The following CEP57L1 variants were observed in gnomAD, a reference collection of about 807,000 sequenced individuals.
CEP57L1 encodes centrosomal protein CEP57L1.
CEP57L1 carries 37 observed loss-of-function variants against 61.0 expected under a neutral mutation model. The ratio of observed to expected loss-of-function variants is 0.61; its 90% CI spans 0.47 to 0.80. CEP57L1 has a LOEUF of 0.80. CEP57L1 is among the 30% of genes least tolerant of loss of function. CEP57L1 has a pLI of 0.00. For synonymous variants in CEP57L1, 137 were observed against 162.3 expected, an observed-to-expected ratio of 0.84 and a Z score of 1.19; for missense variants, 422 against 524.7, an observed-to-expected ratio of 0.80 and a Z score of 1.91.
Position 109,145,295 on chromosome 6 carries a change from T to G in CEP57L1, c.74T>G (p.Phe25Cys), listed in dbSNP as rs142147002. The G allele has an allele frequency of 1.9e-4, 310 of 1,609,980 alleles. 2 individuals carry two copies. The African/African-American group carries it at 4.0e-3, about 21-fold the overall frequency. ...CCAGAAAGAGTATTTGTTCCCTCAT[T>G]CACCCAGAATGAACCATCTCAGAAT... ...KPPERVFVPS[F>C]TQNEPSQNCH... The change falls in exon 2 of 11, where the codon TTC becomes TGC. Residue 25 changes from phenylalanine to cysteine, a missense_variant. By Grantham distance (205) the Phe-to-Cys change is radical (BLOSUM62 -2). Transcript: ENST00000517392.
chr6:109,111,348 C>T (rs1159406055), intron 1 of CEP57L1, among the ~76,000 whole-genome samples: 1 of 152,104 alleles, frequency 6.6e-6, no homozygotes, highest in Non-Finnish European at 1.5e-5. Context: ...TATAAGAATA[C>T]TTGTGATTTT....
At chr6:109,098,310 G>T (rs1043936918) in intron 1 of CEP57L1, among the ~76,000 whole-genome samples, 2 of 152,122 alleles carry the variant, frequency 1.3e-5, no homozygotes, top group Admixed American at 6.5e-5. Flanking sequence ...ACCATACCTG[G>T]CTAATTTTGT....
intron 1 of CEP57L1, among the ~76,000 whole-genome samples, chr6:109,138,759 A>C (rs1449508327): frequency 6.6e-6 from 1 of 152,132 alleles, no homozygotes; most frequent in South Asian, 2.1e-4. Context: ...TCAAATACAT[A>C]TTTTGCTTAC....
chr6:109,105,779 G>A (rs1073557), intron 1 of CEP57L1, among the ~76,000 whole-genome samples: 1 of 151,948 alleles, frequency 6.6e-6, no homozygotes, highest in Non-Finnish European at 1.5e-5. Context: ...GGACTGGTAC[G>A]GGTTCGTGGC....
intron 1 of CEP57L1, among the ~76,000 whole-genome samples, chr6:109,112,883 T>C (rs1771828918): frequency 6.6e-6 from 1 of 152,200 alleles, no homozygotes; most frequent in Non-Finnish European, 1.5e-5. Flanking sequence ...GACTGTTTGT[T>C]ATGATTTGTG....
At chr6:109,136,996 G>A (rs1345695387) in intron 1 of CEP57L1, among the ~76,000 whole-genome samples, 1 of 151,938 alleles carries the variant, frequency 6.6e-6, no homozygotes, top group East Asian at 1.9e-4. Flanking sequence ...CAAGCAATCC[G>A]CCCACCTCCG....
chr6:109,126,895 C>T (rs1042530142), intron 1 of CEP57L1, among the ~76,000 whole-genome samples: 9 of 152,260 alleles, frequency 5.9e-5, no homozygotes, highest in East Asian at 3.9e-4. Context: ...TGGCCAGGCA[C>T]GGTGCCTCAC....
chr6:109,133,906 T>A (rs1238729080), intron 1 of CEP57L1, among the ~76,000 whole-genome samples: 4 of 152,060 alleles, frequency 2.6e-5, no homozygotes, highest in Non-Finnish European at 5.9e-5. Context: ...GCTCTGAAAT[T>A]GAGGCAATAA....
At chr6:109,118,373 A>G (rs1375725721) in intron 1 of CEP57L1, among the ~76,000 whole-genome samples, 1 of 152,206 alleles carries the variant, frequency 6.6e-6, no homozygotes, top group African/African-American at 2.4e-5. Flanking sequence ...TCAGCTAGCC[A>G]GGAAAATCAG....
At chr6:109,111,462 C>T (rs1421819801) in intron 1 of CEP57L1, among the ~76,000 whole-genome samples, 1 of 152,180 alleles carries the variant, frequency 6.6e-6, no homozygotes, top group Non-Finnish European at 1.5e-5. Flanking sequence ...ATCATGTCAT[C>T]TGCAAACAGA....
At position 109,153,863 on chromosome 6, in the gene CEP57L1, C is replaced by G. The variant is rs1772929209; in HGVS notation, c.493C>G (p.Gln165Glu). The G allele has an allele frequency of 6.2e-7, 1 of 1,611,504 alleles. No homozygotes were observed. Among genetic ancestry groups the G allele is most frequent in the Non-Finnish European group, 8.5e-7 (1 of 1,178,820 alleles). The stretch of plus-strand genomic sequence containing the variant: ...GCTTCAGAGGGAAAAAGAACAAGAT[C>G]AGATGAAGCTGTATGCAAAACTTGA... ...AQLQREKEQD[Q>E]MKLYAKLEKL... is the part of the protein sequence containing the mutation. The change falls in exon 5 of 11, where the codon CAG (glutamine) becomes GAG (glutamate). Residue 165 changes from glutamine to glutamate, a missense_variant. Transcript: ENST00000517392.
rs1323792348 is a variant in CEP57L1, at chr6:109,171,369, G to A, written c.*8399G>A. Among the ~76,000 whole-genome samples the A allele has an allele frequency of 6.6e-6, 1 of 151,598 alleles. No individual in the cohort carries two copies. The highest frequency in any genetic ancestry group is 2.4e-5 in the African/African-American group (1 of 41,208). On this transcript the variant is annotated 3_prime_UTR_variant, in exon 11 of 11. Coordinates refer to ENST00000517392, the MANE Select transcript of CEP57L1 (RefSeq NM_001271852.3). ...TTCTTCTGCCTCAGCCTCCCAAGTAGCTGGGATTACAGGCATGCGTCACCA... is the reference window on the plus strand; with the variant it reads ...TTCTTCTGCCTCAGCCTCCCAAGTAACTGGGATTACAGGCATGCGTCACCA...
At chr6:109,133,370 G>A (rs1030173318) in intron 1 of CEP57L1, among the ~76,000 whole-genome samples, 7 of 152,088 alleles carry the variant, frequency 4.6e-5, no homozygotes, top group African/African-American at 1.4e-4. Flanking sequence ...TAGGGTTTGC[G>A]CTCCTATGAA....
intron 1 of CEP57L1, among the ~76,000 whole-genome samples, chr6:109,119,432 G>A (rs904705789): frequency 6.6e-6 from 1 of 152,136 alleles, no homozygotes; most frequent in African/African-American, 2.4e-5. Context: ...GTCAAGAAGT[G>A]TTTTACGTGT....
intron 1 of CEP57L1, among the ~76,000 whole-genome samples, chr6:109,104,723 CAT>C (rs1392124416): frequency 7.2e-5 from 11 of 152,228 alleles, no homozygotes; most frequent in African/African-American, 1.9e-4. Context: ...GCTGGGAACA[CAT>C]GTGTGTGCCA....
chr6:109,137,178 A>C (rs1770839661), intron 1 of CEP57L1, among the ~76,000 whole-genome samples: 1 of 152,168 alleles, frequency 6.6e-6, no homozygotes, highest in Admixed American at 6.5e-5. Context: ...TTGTAATAGT[A>C]ATATATTTAA....
upstream of CEP57L1, chr6:109,095,469 T>G (rs1781572616): frequency 1.0e-6 from 1 of 985,736 alleles, no homozygotes; most frequent in Non-Finnish European, 1.2e-6. Context: ...CGGCGCGTTT[T>G]GTTTGCGACA....
intron 1 of CEP57L1, among the ~76,000 whole-genome samples, chr6:109,099,060 A>G (rs1782057548): frequency 6.6e-6 from 1 of 152,174 alleles, no homozygotes; most frequent in Admixed American, 6.5e-5. Flanking sequence ...TGGGAGAGAG[A>G]GGAAAGGTTG....
chr6:109,153,075 C>T (rs1341682844), intron 4 of CEP57L1, among the ~76,000 whole-genome samples: 1 of 150,020 alleles, frequency 6.7e-6, no homozygotes, highest in Non-Finnish European at 1.5e-5. Flanking sequence ...TATGCTGCTG[C>T]ACTCCAGCCT....
Sources: allele counts gnomAD v4.1 joint callset (sites outside exome capture counted in the v4.1 genomes callset), GRCh38; gene constraint gnomAD v4.1.1; transcripts MANE v1.5; gene names NCBI Gene and HGNC (gene_info 2026-07-23, HGNC 2026-07-21).